Variants in KSR2 observed in about 807,000 individuals in gnomAD.
The protein encoded by KSR2 is kinase suppressor of ras 2.
A neutral mutation model predicts 107.8 loss-of-function variants in KSR2; 25 were observed. That is an observed-to-expected ratio of 0.23 (90% CI 0.17 to 0.32). KSR2 has a LOEUF of 0.32. Ranked by LOEUF, KSR2 falls within the 10% of genes least tolerant of loss-of-function variation. The pLI is 1.00. For missense variants in KSR2, 887 were observed against 1,268.9 expected (o/e 0.70, Z 4.57); for synonymous variants, 480 against 507.0 (o/e 0.95, Z 0.71).
chr12:117,865,897 G>A (rs916542842), intron 1 of KSR2, among the ~76,000 whole-genome samples: 11 of 152,060 alleles, frequency 7.2e-5, no homozygotes, highest in African/African-American at 2.7e-4. Context: ...AAATAACATC[G>A]TATCATATAG....
At chr12:117,852,795 G>A (rs1892971169) in intron 3 of KSR2, among the ~76,000 whole-genome samples, 1 of 151,914 alleles carries the variant, frequency 6.6e-6, no homozygotes, top group Non-Finnish European at 1.5e-5. Context: ...TTAAAATATG[G>A]GTTTTTTGTT....
At chr12:117,607,698 G>A (rs1473736232) in intron 5 of KSR2, among the ~76,000 whole-genome samples, 2 of 87,224 alleles carry the variant, frequency 2.3e-5, no homozygotes, top group Non-Finnish European at 4.6e-5. Context: ...AGAGGAGAGG[G>A]AAGCACAGAG....
At chr12:117,626,704 G>A (rs1882539775) in intron 5 of KSR2, among the ~76,000 whole-genome samples, 1 of 152,196 alleles carries the variant, frequency 6.6e-6, no homozygotes, top group South Asian at 2.1e-4. Context: ...GGAGAGTTAT[G>A]AAGATGTCTA....
intron 3 of KSR2, among the ~76,000 whole-genome samples, chr12:117,806,977 G>A (rs974671711): frequency 6.6e-6 from 1 of 152,186 alleles, no homozygotes; most frequent in Non-Finnish European, 1.5e-5. Flanking sequence ...CCCGTCCCCT[G>A]TCAGGATCCA....
intron 18 of KSR2, among the ~76,000 whole-genome samples, chr12:117,470,828 A>G (rs1871405764): frequency 1.3e-5 from 2 of 152,200 alleles, no homozygotes; most frequent in Non-Finnish European, 2.9e-5. Context: ...TAATGCCTTA[A>G]AATTATTATG....
At chr12:117,601,601 C>T (rs546596183) in intron 5 of KSR2, among the ~76,000 whole-genome samples, 7 of 152,220 alleles carry the variant, frequency 4.6e-5, no homozygotes, top group African/African-American at 1.7e-4. Context: ...AGGATGCTGG[C>T]CACCACCAGA....
intron 14 of KSR2, among the ~76,000 whole-genome samples, chr12:117,494,106 G>A (rs1269025542): frequency 1.3e-5 from 2 of 152,160 alleles, no homozygotes; most frequent in East Asian, 3.9e-4. Flanking sequence ...ATGAATGAAT[G>A]GATGCAGTGC....
At chr12:117,763,321 T>C (rs1889114171) in intron 3 of KSR2, among the ~76,000 whole-genome samples, 1 of 113,354 alleles carries the variant, frequency 8.8e-6, no homozygotes, top group Non-Finnish European at 1.8e-5. Flanking sequence ...TCCAAGTCTT[T>C]GCTATTAAAA....
At chr12:117,789,651 C>A (rs1325599278) in intron 3 of KSR2, among the ~76,000 whole-genome samples, 3 of 151,776 alleles carry the variant, frequency 2.0e-5, no homozygotes, top group African/African-American at 7.3e-5. Flanking sequence ...TGCATGCTGG[C>A]CTCTTTCCTA....
rs982554163 is a variant in KSR2 at position 117,842,722 on chromosome 12, G to A, written c.472+12706C>T. ...CGGGTTCTCTTTGTTCTCATTGGGG[G>A]GGTTCCACAAAAGCCAGATGCTGGC... On this transcript the variant is annotated intron_variant, in intron 3 of 19. Transcript: ENST00000339824. The surrounding 1 kb of genome is among the most constrained non-coding windows in gnomAD (Gnocchi z 4.2). Among the ~76,000 whole-genome samples the A allele has an allele frequency of 3.1e-4, 47 of 152,152 alleles. 1 individual carries two copies. The highest frequency in any genetic ancestry group is 2.3e-3 in the Admixed American group (35 of 15,278).
At chr12:117,737,857 C>T (rs750759844) in intron 4 of KSR2, among the ~76,000 whole-genome samples, 16 of 141,416 alleles carry the variant, frequency 1.1e-4, no homozygotes, top group Non-Finnish European at 2.5e-4. Context: ...GATGAATCAT[C>T]CAATGTGTCG....
intron 1 of KSR2, among the ~76,000 whole-genome samples, chr12:117,871,914 T>C (rs2137287329): frequency 1.3e-5 from 2 of 152,268 alleles, no homozygotes; most frequent in South Asian, 4.1e-4. Context: ...ACCTCAGCCT[T>C]CTGAATAGCT....
intron 11 of KSR2, 45 bp from the exon 12 acceptor site, chr12:117,531,058 ACAACCCCCG>A: frequency 6.6e-7 from 1 of 1,520,764 alleles, no homozygotes; most frequent in Non-Finnish European, 9.1e-7. Context: ...TGTGAAGTCC[ACAACCCCCG>A]CAAAGGCCTG....
chr12:117,791,531 A>C (rs1474442253), intron 3 of KSR2, among the ~76,000 whole-genome samples: 4 of 152,204 alleles, frequency 2.6e-5, no homozygotes, highest in Non-Finnish European at 5.9e-5. Flanking sequence ...AATGAATGGC[A>C]AAAAAATAAA....
At chr12:117,760,970 C>T (rs754953877) in intron 4 of KSR2, 41 bp downstream of exon 4, 2 of 1,610,420 alleles carry the variant, frequency 1.2e-6, no homozygotes, top group Admixed American at 3.3e-5. Context: ...CCTCGCAGGC[C>T]GGGTTTCGAC....
intron 1 of KSR2, among the ~76,000 whole-genome samples, chr12:117,900,911 T>A (rs1022518267): frequency 6.6e-5 from 10 of 152,212 alleles, no homozygotes; most frequent in African/African-American, 2.2e-4. Context: ...AAAGACACCT[T>A]TTCTCTTCAA....
At chr12:117,793,095 C>A (rs1017954506) in intron 3 of KSR2, among the ~76,000 whole-genome samples, 2 of 142,830 alleles carry the variant, frequency 1.4e-5, no homozygotes, top group Admixed American at 1.4e-4. Flanking sequence ...CACCAACATG[C>A]ACACTCACAC....
At chr12:117,741,511 C>A (rs1424115187) in intron 4 of KSR2, among the ~76,000 whole-genome samples, 1 of 152,102 alleles carries the variant, frequency 6.6e-6, no homozygotes, top group Non-Finnish European at 1.5e-5. Context: ...GGCGACAGAG[C>A]AAGACCCTAT....
chr12:117,777,361 G>A (rs1889732941), intron 3 of KSR2, among the ~76,000 whole-genome samples: 1 of 151,910 alleles, frequency 6.6e-6, no homozygotes, highest in Non-Finnish European at 1.5e-5. Context: ...ATTGTAAACA[G>A]CAAAATCACC....
Sources: gnomAD v4.1 joint callset for allele counts (sites outside exome capture counted in the v4.1 genomes callset) on GRCh38, gnomAD v4.1.1 for gene constraint, Gnocchi (gnomAD v3.1) non-coding constraint, MANE v1.5 for transcripts, NCBI Gene and HGNC (gene_info 2026-07-23, HGNC 2026-07-21) for gene names.